The following ZNF568 variants were observed in gnomAD, a reference collection of about 807,000 sequenced individuals.
ZNF568 encodes the protein zinc finger protein 568.
In ZNF568, 11 loss-of-function variants were observed where a neutral mutation model predicts 18.1. The ratio of observed to expected loss-of-function variants is 0.61; its 90% CI spans 0.38 to 1.00. The LOEUF is 1.00. Ranked by LOEUF, ZNF568 falls within the 50% of genes least tolerant of loss-of-function variation. The pLI is 0.01. For synonymous variants in ZNF568, 213 were observed against 246.6 expected (o/e 0.86, Z 1.28); for missense variants, 639 against 768.2 (o/e 0.83, Z 1.99).
chr19:36,983,893 C>CT (rs57048125), downstream of ZNF568, among the ~76,000 whole-genome samples: 534 of 108,502 alleles, frequency 4.9e-3, 18 homozygotes, highest in African/African-American at 0.016. Context: ...CAACTTTGTC[C>CT]TTTTTTTTTT....
At chr19:36,940,370 A>C (rs935341996) in intron 6 of ZNF568, among the ~76,000 whole-genome samples, 25 of 152,188 alleles carry the variant, frequency 1.6e-4, no homozygotes, top group African/African-American at 6.0e-4. Context: ...CCCATCTCTC[A>C]ACTAACATTC....
downstream of ZNF568, chr19:36,997,736 T>A: frequency 1.4e-6 from 1 of 716,596 alleles, no homozygotes; most frequent in Non-Finnish European, 2.3e-6. Flanking sequence ...GAGGGATGGC[T>A]CAGAATTTGA....
At chr19:36,995,692 A>G (rs1266495335) in intron 4 of ZNF568, among the ~76,000 whole-genome samples, 1 of 151,630 alleles carries the variant, frequency 6.6e-6, no homozygotes, top group East Asian at 1.9e-4. Context: ...TGTTTCGTAT[A>G]CAGTAGTCTT....
At chr19:36,954,980 AG>A (rs1159869657), downstream of ZNF568, among the ~76,000 whole-genome samples, 1 of 151,868 alleles carries the variant, frequency 6.6e-6, no homozygotes, top group African/African-American at 2.4e-5. Flanking sequence ...CCTGGGTTCA[AG>A]TGATTCTCCT....
At chr19:36,944,134 C>T (rs768599284) in intron 6 of ZNF568, among the ~76,000 whole-genome samples, 6 of 151,774 alleles carry the variant, frequency 4.0e-5, no homozygotes, top group Non-Finnish European at 8.8e-5. Flanking sequence ...CACGGTGGCT[C>T]ATGACTGTAA....
chr19:36,945,251 G>A (rs62115617), intron 6 of ZNF568, among the ~76,000 whole-genome samples: 1 of 137,584 alleles, frequency 7.3e-6, no homozygotes, highest in Non-Finnish European at 1.6e-5. Flanking sequence ...GTGTGTGTGT[G>A]TATAAAATAT....
chr19:36,963,739 C>T (rs2074172390), intron 6 of ZNF568, among the ~76,000 whole-genome samples: 1 of 152,048 alleles, frequency 6.6e-6, no homozygotes, highest in Non-Finnish European at 1.5e-5. Context: ...GAGGCTGAGG[C>T]AGGCGTATCA....
chr19:36,992,407 CAGG>C (rs1215392222), intron 4 of ZNF568, among the ~76,000 whole-genome samples: 1 of 152,044 alleles, frequency 6.6e-6, no homozygotes, highest in Non-Finnish European at 1.5e-5. Context: ...GAGGCTGAAG[CAGG>C]AGAATTGCTT....
In ZNF568 at chr19:36,925,204, G is replaced by A. The variant is rs1156391932; in HGVS notation, c.81G>A (p.Trp27Ter). The change falls in exon 4 of 7, where the codon TGG becomes TGA. Residue 27 changes from tryptophan to a stop codon, truncating the protein, a stop_gained. Transcript: ENST00000333987. LOFTEE classifies it high-confidence loss of function. ...GTTTCATTTCTCTTCCCTCAGCTTGGTGTTCTCAAGAGTCTGCCCTTTCCG... is the reference window on the plus strand; with the variant it reads ...GTTTCATTTCTCTTCCCTCAGCTTGATGTTCTCAAGAGTCTGCCCTTTCCG... ...RLSHMMERKAWCSQESALSEE... is the reference protein window; with the variant it reads ...RLSHMMERKA 1 of 1,614,000 alleles carries A rather than the reference G, an allele frequency of 6.2e-7. No individual in the cohort carries two copies.
intron 7 of ZNF568, among the ~76,000 whole-genome samples, chr19:36,977,671 GCA>G (rs2074297186): frequency 6.6e-6 from 1 of 152,154 alleles, no homozygotes; most frequent in Non-Finnish European, 1.5e-5. Flanking sequence ...TCCATGCCCT[GCA>G]CACTGGTGGG....
exon 5 of ZNF568, chr19:36,997,048 T>G: frequency 6.4e-7 from 1 of 1,565,040 alleles, no homozygotes; most frequent in Non-Finnish European, 8.6e-7. Context: ...ACCCCATAAA[T>G]GTAAGGAATG....
Position 36,946,409 on chromosome 19 carries a change from ATATACT to A in ZNF568, c.359-3098_359-3093del, listed in dbSNP as rs752019755. On this transcript the variant is annotated intron_variant, in intron 6 of 6. Coordinates refer to ENST00000333987, the MANE Select transcript of ZNF568 (RefSeq NM_198539.4). ...TGAGGCAAGAAATGACTCTTAATTA[ATATACT>A]TATATAACTTTTTGTCACTCCTAGA... 3.2e-3 allele frequency among the ~76,000 whole-genome samples: 487 copies of A among 152,056 alleles called. 2 individuals carry two copies. The highest frequency in any genetic ancestry group is 0.011 in the African/African-American group (465 of 41,496).
At chr19:36,978,818 T>C (rs1046227878) in intron 7 of ZNF568, among the ~76,000 whole-genome samples, 2 of 152,132 alleles carry the variant, frequency 1.3e-5, no homozygotes, top group Non-Finnish European at 2.9e-5. Flanking sequence ...GCGTCCATTG[T>C]GCAAGAAACA....
At chr19:36,936,666 A>C in intron 4 of ZNF568, 80 bp from the exon 5 acceptor site, 1 of 1,437,978 alleles carries the variant, frequency 7.0e-7, no homozygotes, top group Non-Finnish European at 9.5e-7. Context: ...CCTGAGTACC[A>C]GCTAAACAAG....
At chr19:36,956,050 A>C (rs577264475), downstream of ZNF568, among the ~76,000 whole-genome samples, 2 of 152,300 alleles carry the variant, frequency 1.3e-5, no homozygotes, top group East Asian at 3.9e-4. Flanking sequence ...TTTCAGTAAG[A>C]GGGGTAAGAG....
downstream of ZNF568, among the ~76,000 whole-genome samples, chr19:36,953,836 G>T (rs745798284): frequency 2.0e-5 from 3 of 151,572 alleles, no homozygotes; most frequent in Admixed American, 2.0e-4. Flanking sequence ...GCTTGAATGC[G>T]GGAGGCAGAG....
intron 4 of ZNF568, among the ~76,000 whole-genome samples, chr19:36,994,797 G>C (rs1026206692): frequency 1.3e-5 from 2 of 151,704 alleles, no homozygotes; most frequent in Admixed American, 6.6e-5. Context: ...TCAGCCTCCC[G>C]AGTAGCTAGG....
chr19:36,923,463 A>T (rs1182219794), intron 3 of ZNF568, among the ~76,000 whole-genome samples: 1 of 151,940 alleles, frequency 6.6e-6, no homozygotes, highest in African/African-American at 2.4e-5. Flanking sequence ...TTTGCTTGAG[A>T]AGTACAAGCC....
intron 2 of ZNF568, among the ~76,000 whole-genome samples, chr19:36,987,452 G>A (rs543708072): frequency 7.7e-4 from 117 of 152,258 alleles, no homozygotes; most frequent in Middle Eastern, 3.4e-3. Context: ...CCCAGGAAGT[G>A]GCTGGTGCAT....
Sources: gnomAD v4.1 joint callset for allele counts (sites outside exome capture counted in the v4.1 genomes callset) on GRCh38, gnomAD v4.1.1 for gene constraint, MANE v1.5 for transcripts, NCBI Gene and HGNC (gene_info 2026-07-23, HGNC 2026-07-21) for gene names.